The following KCNT2 variants were observed in gnomAD, a reference collection of about 807,000 sequenced individuals.
The protein encoded by KCNT2 is potassium sodium-activated channel subfamily T member 2.
In KCNT2, 67 loss-of-function variants were observed where a neutral mutation model predicts 153.8. The ratio of observed to expected loss-of-function variants is 0.44; its 90% confidence interval spans 0.36 to 0.53. The LOEUF is 0.53. KCNT2 is among the 20% of genes least tolerant of loss of function. The probability of loss-of-function intolerance (pLI) is 0.00; values close to 1 mark genes in which losing one functional copy is unlikely to be tolerated. For missense variants in KCNT2, 975 were observed against 1,354.8 expected, an observed-to-expected ratio of 0.72 and a Z score of 4.40; for synonymous variants, 500 against 458.8, an observed-to-expected ratio of 1.09 and a Z score of -1.15.
At chr1:196,544,398 A>G (rs1335692580) in intron 1 of KCNT2, among the ~76,000 whole-genome samples, 2 of 151,992 alleles carry the variant, frequency 1.3e-5, no homozygotes, top group African/African-American at 4.8e-5. Flanking sequence ...GTAAACTGGA[A>G]GAAGCCAGAG....
intron 1 of KCNT2, among the ~76,000 whole-genome samples, chr1:196,519,518 TA>T (rs1357691210): frequency 6.6e-6 from 1 of 151,148 alleles, no homozygotes; most frequent in African/African-American, 2.5e-5. Flanking sequence ...TTAATTTTTT[TA>T]AAAAAATAAT....
chr1:196,270,574 C>T (rs184260668), intron 25 of KCNT2, among the ~76,000 whole-genome samples: 24 of 152,092 alleles, frequency 1.6e-4, no homozygotes, highest in African/African-American at 4.6e-4. Flanking sequence ...ACAAATTCAA[C>T]GTACGCATAC....
At chr1:196,350,744 C>T (rs1190975749) in intron 14 of KCNT2, among the ~76,000 whole-genome samples, 1 of 151,976 alleles carries the variant, frequency 6.6e-6, no homozygotes, top group Non-Finnish European at 1.5e-5. Context: ...TTTGTTGCCA[C>T]TGCTTTTGGT....
At chr1:196,546,394 C>A (rs1303938864) in intron 1 of KCNT2, among the ~76,000 whole-genome samples, 1 of 151,998 alleles carries the variant, frequency 6.6e-6, no homozygotes, top group Non-Finnish European at 1.5e-5. Context: ...TAATTAGCTA[C>A]TCTTCTTATC....
At chr1:196,502,572 T>C (rs1457900020) in intron 1 of KCNT2, among the ~76,000 whole-genome samples, 1 of 152,186 alleles carries the variant, frequency 6.6e-6, no homozygotes, top group African/African-American at 2.4e-5. Flanking sequence ...GTTAGAAATA[T>C]TATGAATAGC....
chr1:196,547,691 T>C (rs900299229), intron 1 of KCNT2, among the ~76,000 whole-genome samples: 2 of 151,984 alleles, frequency 1.3e-5, no homozygotes, highest in Admixed American at 1.3e-4. Context: ...TACATATAAA[T>C]GTAGAAATGT....
chr1:196,601,671 T>A (rs1221207277), intron 1 of KCNT2, among the ~76,000 whole-genome samples: 1 of 152,234 alleles, frequency 6.6e-6, no homozygotes, highest in Non-Finnish European at 1.5e-5. Context: ...TATGATGGTG[T>A]TTCACCAATT....
At chr1:196,249,050 C>T (rs1016458487) in intron 26 of KCNT2, among the ~76,000 whole-genome samples, 5 of 151,882 alleles carry the variant, frequency 3.3e-5, no homozygotes, top group African/African-American at 1.2e-4. Context: ...GGACAAAAAC[C>T]AAATGATCAT....
At chr1:196,493,357 GT>G (rs919810785) in intron 1 of KCNT2, among the ~76,000 whole-genome samples, 7 of 148,690 alleles carry the variant, frequency 4.7e-5, no homozygotes, top group South Asian at 2.2e-4. Context: ...TTTTGGTTTT[GT>G]TTTTTTTGCA....
At chr1:196,478,896 A>G (rs546073741) in intron 5 of KCNT2, among the ~76,000 whole-genome samples, 1 of 152,364 alleles carries the variant, frequency 6.6e-6, no homozygotes, top group African/African-American at 2.4e-5. Context: ...GAAAAAAACA[A>G]TGTTGAATAC....
chr1:196,260,872 C>T (rs1369987985), intron 25 of KCNT2, among the ~76,000 whole-genome samples: 5 of 151,756 alleles, frequency 3.3e-5, no homozygotes, highest in Non-Finnish European at 1.5e-5. Flanking sequence ...TGTGAAAATT[C>T]ATATCACATT....
chr1:196,234,939 G>A (rs768061628), intron 27 of KCNT2, among the ~76,000 whole-genome samples: 3 of 151,278 alleles, frequency 2.0e-5, no homozygotes, highest in Non-Finnish European at 3.0e-5. Flanking sequence ...AGGACAGGTC[G>A]TGTATCTCAA....
chr1:196,293,224 C>T (rs922860074), intron 22 of KCNT2, among the ~76,000 whole-genome samples: 1 of 152,078 alleles, frequency 6.6e-6, no homozygotes, highest in Admixed American at 6.6e-5. Flanking sequence ...TTACTGCAAT[C>T]CTGATTGAAA....
chr1:196,385,772 A>AAC (rs747480460), intron 13 of KCNT2, among the ~76,000 whole-genome samples: 1 of 148,452 alleles, frequency 6.7e-6, no homozygotes. Flanking sequence ...GCATTAAAAA[A>AAC]ATATATATAT....
In KCNT2 at chr1:196,273,492, A is replaced by G. The variant is rs557485849; in HGVS notation, c.2910+7368T>C. 7.8e-6 allele frequency: 12 copies of G among 1,530,338 alleles called. No homozygotes were observed. The South Asian group carries it at 1.4e-4, about 18-fold the overall frequency. 94.8% of individuals were successfully genotyped at this position (1,530,338 alleles called of 1,614,324 possible). A position where few individuals can be genotyped will look rare whatever the true frequency, so the allele number is the denominator to read the frequency against. On this transcript the variant is annotated intron_variant, in intron 25 of 27. Transcript: ENST00000294725. ...CTTGTGATGCTATTTTTCGAGACTG[A>G]CACAACGGGAGGGAAAAAGAAACAC...
At chr1:196,251,901 T>C (rs996625384) in intron 26 of KCNT2, among the ~76,000 whole-genome samples, 2 of 151,850 alleles carry the variant, frequency 1.3e-5, no homozygotes, top group Non-Finnish European at 2.9e-5. Context: ...CTCACAAAAA[T>C]TAAAAAATTT....
rs199836975 is a variant in KCNT2, at chr1:196,570,067, TAAAAAAAAAAAAAAA to T, written c.95+38133_95+38147del. ...TGAGTCCAGGAAGCTTGAGCTAGAG[TAAAAAAAAAAAAAAA>T]AAAAAAAAAAAAAAAATTAAAGGCC... On this transcript the variant is annotated intron_variant, in intron 1 of 27. Coordinates refer to ENST00000294725, the MANE Select transcript of KCNT2 (RefSeq NM_198503.5). 3.5e-3 allele frequency among the ~76,000 whole-genome samples: 473 copies of T among 133,750 alleles called. 6 individuals carry two copies. The highest frequency in any genetic ancestry group is 0.016 in the African/African-American group (448 of 27,574). 87.7% of individuals were successfully genotyped at this position (133,750 alleles called of 152,430 possible). A position where few individuals can be genotyped will look rare whatever the true frequency, so the allele number is the denominator to read the frequency against.
At chr1:196,324,912 C>T (rs899645052) in intron 19 of KCNT2, among the ~76,000 whole-genome samples, 4 of 151,936 alleles carry the variant, frequency 2.6e-5, no homozygotes, top group Non-Finnish European at 4.4e-5. Flanking sequence ...TTTTTGTAAC[C>T]TGTTTATTCA....
In KCNT2 at chr1:196,548,972, A is replaced by G. The variant is rs562378739; in HGVS notation, c.96-56631T>C. 6.2e-5 allele frequency among the ~76,000 whole-genome samples: 9 copies of G among 144,834 alleles called. No individual in the cohort carries two copies. In the East Asian group the frequency reaches 2.0e-3, roughly 33 times the overall value. ...TTGAACAATGAGAACACATGGACAC[A>G]GGAAGGGGAACATCACACTCTGGGG... On this transcript the variant is annotated intron_variant, in intron 1 of 27. Transcript: ENST00000294725.
Sources: gnomAD v4.1 joint callset for allele counts (sites outside exome capture counted in the v4.1 genomes callset) on GRCh38, gnomAD v4.1.1 for gene constraint, MANE v1.5 for transcripts, NCBI Gene and HGNC (gene_info 2026-07-23, HGNC 2026-07-21) for gene names.